NR5A2: variants seen among roughly 807,000 people sequenced by gnomAD.
NR5A2 encodes the protein CYP7A promoter-binding factor.
In NR5A2, 26 loss-of-function variants were observed where a neutral mutation model predicts 62.7. The observed-to-expected ratio is 0.41, with a 90% confidence interval of 0.30 to 0.58. The LOEUF is 0.58. NR5A2 is among the 20% of genes least tolerant of loss of function. The pLI, the probability that NR5A2 is intolerant of heterozygous loss-of-function variation, is 0.22. For synonymous variants in NR5A2, 246 were observed against 241.7 expected, an observed-to-expected ratio of 1.02 and a Z score of -0.16; for missense variants, 541 against 669.1, an observed-to-expected ratio of 0.81 and a Z score of 2.11.
intron 7 of NR5A2, among the ~76,000 whole-genome samples, chr1:200,146,626 A>G (rs1216209315): frequency 1.3e-5 from 2 of 152,252 alleles, no homozygotes; most frequent in Non-Finnish European, 2.9e-5. Context: ...TAAATCACAA[A>G]TAATTATTAA....
At chr1:200,030,202 C>G (rs1400554455) in intron 1 of NR5A2, among the ~76,000 whole-genome samples, 1 of 152,044 alleles carries the variant, frequency 6.6e-6, no homozygotes, top group African/African-American at 2.4e-5. Context: ...TTCACAAAAC[C>G]GAGCCCGGTG....
In NR5A2 at chr1:200,048,183, G is replaced by A. The variant is rs373723203; in HGVS notation, c.475G>A (p.Asp159Asn). ...CCCACCCCCAACAGCTGTAAGGGCC[G>A]ACCGAATGCGTGGAGGAAGGAATAA... ...VGMKLEAVRA[D>N]RMRGGRNKFG... Residue 159 changes from aspartate (D) to asparagine (N), a missense_variant, in exon 5 of 8, where the codon GAC (aspartate) becomes AAC (asparagine). Physicochemically the swap from Asp to Asn is conservative, Grantham distance 23. Around this residue, in one of 3 missense-constraint regions of NR5A2, gnomAD observed 54 missense variants for 123.8 expected, o/e 0.44. Transcript: ENST00000367362. The surrounding 1 kb of genome is among the most constrained non-coding windows in gnomAD (Gnocchi z 4.8). 1.1e-5 allele frequency: 18 copies of A among 1,605,734 alleles called. No individual in the cohort carries two copies. Among genetic ancestry groups the A allele is most frequent in the East Asian group, 2.2e-5 (1 of 44,676 alleles).
At chr1:200,144,362 C>T (rs1465918210) in intron 7 of NR5A2, among the ~76,000 whole-genome samples, 2 of 151,874 alleles carry the variant, frequency 1.3e-5, no homozygotes, top group Admixed American at 6.6e-5. Flanking sequence ...TTCTCCTTGC[C>T]CATGTCAGCA....
intron 7 of NR5A2, among the ~76,000 whole-genome samples, chr1:200,121,520 A>T (rs1055743993): frequency 6.6e-6 from 1 of 152,230 alleles, no homozygotes; most frequent in African/African-American, 2.4e-5. Flanking sequence ...TTGGAAAAGA[A>T]AGATAACTAA....
At chr1:200,102,892 T>C (rs2102276444) in intron 5 of NR5A2, among the ~76,000 whole-genome samples, 1 of 152,254 alleles carries the variant, frequency 6.6e-6, no homozygotes. Flanking sequence ...CCTTTTAGAA[T>C]GGTTTCTCAA....
At chr1:200,088,239 TG>T (rs1200884100) in intron 5 of NR5A2, among the ~76,000 whole-genome samples, 8 of 151,190 alleles carry the variant, frequency 5.3e-5, no homozygotes, top group South Asian at 2.1e-4. Flanking sequence ...TTTTTGTTTT[TG>T]TTTTTTTATT....
In NR5A2 at chr1:200,079,675, C is replaced by T. The variant is rs190714252; in HGVS notation, c.1110+30857C>T. 3.1e-3 allele frequency among the ~76,000 whole-genome samples: 466 copies of T among 152,334 alleles called. 2 individuals carry two copies. The highest frequency in any genetic ancestry group is 6.8e-3 in the Middle Eastern group (2 of 294). ...CGTGTGAGTTTTCCTTGGGCCTGCT[C>T]CCATACATAAAAATTTTGCTGAGCT... On this transcript the variant is annotated intron_variant, in intron 5 of 7. Transcript: ENST00000367362.
chr1:200,117,983 G>C (rs1192591811), intron 6 of NR5A2, among the ~76,000 whole-genome samples: 1 of 150,176 alleles, frequency 6.7e-6, no homozygotes. Flanking sequence ...CAAAGTGCTG[G>C]GATTAGAGGC....
intron 7 of NR5A2, among the ~76,000 whole-genome samples, chr1:200,126,161 C>T (rs1284259773): frequency 6.6e-6 from 1 of 152,052 alleles, no homozygotes; most frequent in Non-Finnish European, 1.5e-5. Flanking sequence ...CCTTGAAAGA[C>T]CTTTAAAATC....
At chr1:200,045,354 G>A in intron 3 of NR5A2, 89 bp from the exon 4 acceptor site, 1 of 1,206,412 alleles carries the variant, frequency 8.3e-7, no homozygotes, top group Non-Finnish European at 1.1e-6. Flanking sequence ...TGCAATGAGA[G>A]GATTTACTGG....
At chr1:200,121,796 T>G (rs571492396) in intron 7 of NR5A2, among the ~76,000 whole-genome samples, 146 of 152,326 alleles carry the variant, frequency 9.6e-4, no homozygotes, top group African/African-American at 3.4e-3. Context: ...GAAATCAGAT[T>G]CACCAACATA....
intron 7 of NR5A2, among the ~76,000 whole-genome samples, chr1:200,140,053 T>C (rs1255126999): frequency 6.6e-6 from 1 of 152,214 alleles, no homozygotes; most frequent in African/African-American, 2.4e-5. Context: ...GATTTCACTA[T>C]GAGGTTATGC....
At chr1:200,167,834 C>T (rs148375997) in intron 7 of NR5A2, among the ~76,000 whole-genome samples, 34 of 152,292 alleles carry the variant, frequency 2.2e-4, no homozygotes, top group African/African-American at 7.5e-4. Context: ...CTCTTCCACG[C>T]GTTGCTCAGC....
In NR5A2 at chr1:200,070,255, G is replaced by A. The variant is rs188861337; in HGVS notation, c.1110+21437G>A. ...CCTTTGTGCATTTGCTGTGGGCTTCGGCTTTCTCGGTCTTTTGGTTTGAGG... is the reference window on the plus strand; with the variant it reads ...CCTTTGTGCATTTGCTGTGGGCTTCAGCTTTCTCGGTCTTTTGGTTTGAGG... On this transcript the variant is annotated intron_variant, in intron 5 of 7. Coordinates refer to ENST00000367362, the MANE Select transcript of NR5A2 (RefSeq NM_205860.3). 2.4e-3 allele frequency among the ~76,000 whole-genome samples: 366 copies of A among 152,180 alleles called. 2 individuals are homozygous for A. The highest frequency in any genetic ancestry group is 3.3e-3 in the Non-Finnish European group (227 of 68,016).
intron 3 of NR5A2, 117 bp from the exon 4 acceptor site, chr1:200,045,326 A>G: frequency 1.2e-6 from 1 of 855,572 alleles, no homozygotes. Flanking sequence ...CCACAGAACC[A>G]CATAAGGGCT....
chr1:200,165,166 C>T (rs1208582112), intron 7 of NR5A2, among the ~76,000 whole-genome samples: 3 of 152,080 alleles, frequency 2.0e-5, no homozygotes, highest in East Asian at 1.9e-4. Flanking sequence ...CGTGAACCAC[C>T]GTGCCCAGCC....
intron 7 of NR5A2, among the ~76,000 whole-genome samples, chr1:200,135,878 A>C (rs1417997985): frequency 6.6e-6 from 1 of 152,216 alleles, no homozygotes; most frequent in Non-Finnish European, 1.5e-5. Flanking sequence ...GCCTCTTCTC[A>C]GATACAATCT....
intron 4 of NR5A2, among the ~76,000 whole-genome samples, chr1:200,045,967 A>G (rs1662340351): frequency 6.6e-6 from 1 of 152,194 alleles, no homozygotes; most frequent in Admixed American, 6.5e-5. Context: ...TTAAATCAAG[A>G]TACCCTTGGA....
At chr1:200,139,953 G>A (rs2102342938) in intron 7 of NR5A2, among the ~76,000 whole-genome samples, 2 of 152,284 alleles carry the variant, frequency 1.3e-5, no homozygotes, top group Middle Eastern at 6.8e-3. Flanking sequence ...TTGTCATCTC[G>A]ATTGTAATCG....
Sources: gnomAD v4.1 joint callset for allele counts (sites outside exome capture counted in the v4.1 genomes callset) on GRCh38, gnomAD v4.1.1 for gene constraint, gnomAD v4.1.1 regional missense constraint, Gnocchi (gnomAD v3.1) non-coding constraint, MANE v1.5 for transcripts, NCBI Gene and HGNC (gene_info 2026-07-23, HGNC 2026-07-21) for gene names.